The following TPRG1 variants were observed in gnomAD, a reference collection of about 807,000 sequenced individuals.
TPRG1 encodes tumor protein p63-regulated gene 1 protein.
Under a neutral mutation model 29.3 loss-of-function variants are expected in TPRG1, and 29 were observed. The ratio of observed to expected loss-of-function variants is 0.99; its 90% confidence interval spans 0.74 to 1.35. The LOEUF (loss-of-function observed/expected upper bound fraction) is 1.35, where lower values mean the gene tolerates loss of function less well. Ranked by LOEUF, TPRG1 falls within the 40% of genes most tolerant of loss-of-function variation. The probability of loss-of-function intolerance (pLI) is 0.00; values close to 1 mark genes in which losing one functional copy is unlikely to be tolerated. For synonymous variants in TPRG1, 130 were observed against 116.8 expected, an observed-to-expected ratio of 1.11 and a Z score of -0.73; for missense variants, 327 against 335.0, an observed-to-expected ratio of 0.98 and a Z score of 0.19.
At chr3:189,038,748 T>A (rs191174084) in intron 4 of TPRG1, among the ~76,000 whole-genome samples, 21 of 141,396 alleles carry the variant, frequency 1.5e-4, no homozygotes, top group Middle Eastern at 3.6e-3. Context: ...ATACCTAGAA[T>A]AATTAAGCAA....
intron 1 of TPRG1, among the ~76,000 whole-genome samples, chr3:189,203,012 A>G (rs1036923699): frequency 1.3e-5 from 2 of 152,196 alleles, no homozygotes; most frequent in African/African-American, 4.8e-5. Flanking sequence ...TTTTCATTCT[A>G]TGGAGCTGTG....
Position 189,007,304 on chromosome 3 carries a change from C to T in TPRG1, c.-660+2544C>T, listed in dbSNP as rs1204131208. Among the ~76,000 whole-genome samples the T allele has an allele frequency of 4.1e-3, 630 of 152,002 alleles. 8 individuals are homozygous for T. The highest frequency in any genetic ancestry group is 0.032 in the Admixed American group (491 of 15,254). ...AAAAAACACATGAAAAAATGCTCAT[C>T]ATCACTGGCCATCAGAGAAATGCAA... On this transcript the variant is annotated intron_variant, in intron 3 of 10. Coordinates refer to the TPRG1 transcript ENST00000433971.
At chr3:189,295,704 G>T (rs1023693877) in intron 4 of TPRG1, among the ~76,000 whole-genome samples, 2 of 152,048 alleles carry the variant, frequency 1.3e-5, no homozygotes, top group Non-Finnish European at 2.9e-5. Flanking sequence ...ATGATTGGAA[G>T]TTCTCAAGGG....
intron 4 of TPRG1, among the ~76,000 whole-genome samples, chr3:189,077,301 A>G (rs751103866): frequency 6.6e-6 from 1 of 152,114 alleles, no homozygotes; most frequent in Non-Finnish European, 1.5e-5. Context: ...ACACATAACA[A>G]CGTGGATCTC....
intron 1 of TPRG1, among the ~76,000 whole-genome samples, chr3:189,196,526 A>T (rs1470262606): frequency 6.6e-6 from 1 of 152,104 alleles, no homozygotes; most frequent in Admixed American, 6.6e-5. Flanking sequence ...CAGGCAGGAG[A>T]GGGCATGTGC....
chr3:189,319,862 C>T (rs939282435), intron 5 of TPRG1, among the ~76,000 whole-genome samples: 3 of 152,036 alleles, frequency 2.0e-5, no homozygotes, highest in African/African-American at 7.2e-5. Context: ...TTTCTGTGTC[C>T]CTTGAAGAAG....
chr3:189,108,985 G>A (rs1400696978), intron 1 of TPRG1, among the ~76,000 whole-genome samples: 1 of 152,088 alleles, frequency 6.6e-6, no homozygotes, highest in African/African-American at 2.4e-5. Flanking sequence ...TAGCCTGCTT[G>A]TCTTTCTGAC....
At chr3:189,226,277 C>T (rs1290445541) in intron 3 of TPRG1, among the ~76,000 whole-genome samples, 2 of 152,164 alleles carry the variant, frequency 1.3e-5, no homozygotes, top group Non-Finnish European at 2.9e-5. Context: ...TATCCTTAGC[C>T]ACAGAACAAA....
chr3:189,011,365 T>G (rs1712590967), intron 3 of TPRG1, among the ~76,000 whole-genome samples: 1 of 152,236 alleles, frequency 6.6e-6, no homozygotes, highest in Non-Finnish European at 1.5e-5. Flanking sequence ...GATAGCCATT[T>G]TCACGATATT....
At chr3:189,088,904 C>A (rs1718143627) in intron 4 of TPRG1, among the ~76,000 whole-genome samples, 1 of 152,154 alleles carries the variant, frequency 6.6e-6, no homozygotes, top group Non-Finnish European at 1.5e-5. Context: ...AATGAAGTCA[C>A]TCCAAGCCCT....
chr3:189,093,031 T>C (rs1161393436), intron 4 of TPRG1, among the ~76,000 whole-genome samples: 1 of 152,060 alleles, frequency 6.6e-6, no homozygotes, highest in Non-Finnish European at 1.5e-5. Context: ...CAGAAAATGC[T>C]AAATATACAG....
intron 4 of TPRG1, among the ~76,000 whole-genome samples, chr3:189,307,054 G>C (rs568258966): frequency 6.6e-6 from 1 of 152,074 alleles, no homozygotes; most frequent in African/African-American, 2.4e-5. Context: ...ACAGAGTCTC[G>C]CTCTGTTGCC....
In TPRG1 at chr3:189,205,000, C is replaced by T. The variant is rs115702721; in HGVS notation, c.-9-2376C>T. On this transcript the variant is annotated intron_variant, in intron 1 of 5. Coordinates refer to ENST00000345063, the MANE Select transcript of TPRG1 (RefSeq NM_198485.4). The stretch of plus-strand genomic sequence containing the variant: ...ACATACACTCTTTCTCCTGCTTCTT[C>T]ATTCCTTGTTTTCTCAGAGACCAAT... Among the ~76,000 whole-genome samples the T allele has an allele frequency of 8.7e-4, 132 of 151,742 alleles. 1 individual carries two copies. The highest frequency in any genetic ancestry group is 3.1e-3 in the African/African-American group (128 of 41,350).
In TPRG1 at chr3:189,318,302, T is replaced by C. The variant is rs1385918487; in HGVS notation, c.634-2324T>C. 2.6e-5 allele frequency among the ~76,000 whole-genome samples: 4 copies of C among 152,260 alleles called. No individual in the cohort carries two copies. In the East Asian group the frequency reaches 7.7e-4, roughly 29 times the overall value. ...GTTTAGCTGTACAGACAGCCACATT[T>C]GTGACTCTACTTCATAGAAAACCAG... On this transcript the variant is annotated intron_variant, in intron 5 of 5. Transcript: ENST00000345063.
chr3:189,154,054 G>A (rs1726317698), intron 5 of TPRG1, among the ~76,000 whole-genome samples: 1 of 152,206 alleles, frequency 6.6e-6, no homozygotes, highest in African/African-American at 2.4e-5. Context: ...CAAATGTAGA[G>A]CACACATTTA....
At chr3:189,078,062 T>TCC (rs71169036) in intron 4 of TPRG1, among the ~76,000 whole-genome samples, 2 of 117,374 alleles carry the variant, frequency 1.7e-5, no homozygotes, top group African/African-American at 3.0e-5. Flanking sequence ...CTTCCTTCCT[T>TCC]TCTCTCCTTT....
At chr3:189,023,946 G>A (rs1345614185) in exon 4 of TPRG1, 6 of 152,290 alleles carry the variant, frequency 3.9e-5, no homozygotes, top group Non-Finnish European at 8.8e-5. Flanking sequence ...GACTCCAGTT[G>A]GTAGGTCTCA....
chr3:189,150,106 A>G (rs938832593), intron 4 of TPRG1, among the ~76,000 whole-genome samples: 1 of 152,240 alleles, frequency 6.6e-6, no homozygotes, highest in African/African-American at 2.4e-5. Flanking sequence ...TTATTACAGC[A>G]AATGGAAATG....
rs532282193 is a variant in TPRG1 at position 189,235,940 on chromosome 3, A to G, written c.303-2793A>G. 2.6e-5 allele frequency among the ~76,000 whole-genome samples: 4 copies of G among 152,262 alleles called. No individual in the cohort carries two copies. In the South Asian group the frequency reaches 8.3e-4, roughly 32 times the overall value. On this transcript the variant is annotated intron_variant, in intron 3 of 5. Transcript: ENST00000345063. ...ATGTTGATATTCAAGGACCTTGTAA[A>G]CCTTTCTGAGCTGTACAAACACAAT...
Sources: gnomAD v4.1 joint callset for allele counts (sites outside exome capture counted in the v4.1 genomes callset) on GRCh38, gnomAD v4.1.1 for gene constraint, MANE v1.5 for transcripts, NCBI Gene and HGNC (gene_info 2026-07-23, HGNC 2026-07-21) for gene names.